ATP2B2: variants seen among roughly 807,000 people sequenced by gnomAD.
ATP2B2 encodes the protein ATPase plasma membrane Ca2+ transporting 2.
In ATP2B2, 15 loss-of-function variants were observed where a neutral mutation model predicts 120.0. The ratio of observed to expected loss-of-function variants is 0.12; its 90% CI spans 0.08 to 0.19. The LOEUF (loss-of-function observed/expected upper bound fraction) is 0.19. Among genes scored for constraint, ATP2B2 ranks in the 10% least tolerant of loss-of-function variants. The pLI is 1.00. For synonymous variants in ATP2B2, 694 were observed against 700.3 expected (o/e 0.99, Z 0.14); for missense variants, 1,045 against 1,719.8 (o/e 0.61, Z 6.94).
intron 1 of ATP2B2, among the ~76,000 whole-genome samples, chr3:10,678,166 A>C (rs1025040208): frequency 6.6e-6 from 1 of 152,184 alleles, no homozygotes. Context: ...AAATGTTTTA[A>C]ATTTATTTTG....
At chr3:10,401,248 C>T (rs938739640) in intron 4 of ATP2B2, among the ~76,000 whole-genome samples, 170 bp from the exon 5 acceptor site, 1 of 152,152 alleles carries the variant, frequency 6.6e-6, no homozygotes, top group African/African-American at 2.4e-5. Flanking sequence ...ATGTACAGCT[C>T]AACACTGGAG....
chr3:10,618,221 T>C (rs2069449524), intron 2 of ATP2B2, among the ~76,000 whole-genome samples: 1 of 152,234 alleles, frequency 6.6e-6, no homozygotes, highest in Non-Finnish European at 1.5e-5. Flanking sequence ...CAAGTGACTT[T>C]GGGCAAGTCA....
At chr3:10,453,545 T>C (rs1436580484) in intron 1 of ATP2B2, among the ~76,000 whole-genome samples, 1 of 152,200 alleles carries the variant, frequency 6.6e-6, no homozygotes, top group Admixed American at 6.5e-5. Context: ...CTGCTTCCCC[T>C]GGTGAATCTC....
chr3:10,488,683 C>T (rs935995259), intron 1 of ATP2B2, among the ~76,000 whole-genome samples: 6 of 152,098 alleles, frequency 3.9e-5, no homozygotes, highest in African/African-American at 1.4e-4. Flanking sequence ...TAAATACCTC[C>T]TTGCAAATCC....
At chr3:10,388,604 A>G (rs2061753165) in intron 5 of ATP2B2, among the ~76,000 whole-genome samples, 1 of 152,142 alleles carries the variant, frequency 6.6e-6, no homozygotes, top group Non-Finnish European at 1.5e-5. Flanking sequence ...GGGTGGAAAC[A>G]CTGCTACCTA....
At chr3:10,577,552 T>C (rs1247631544) in intron 2 of ATP2B2, among the ~76,000 whole-genome samples, 1 of 152,122 alleles carries the variant, frequency 6.6e-6, no homozygotes, top group Non-Finnish European at 1.5e-5. Context: ...AGCTCCATCA[T>C]CCTCATTAAT....
At chr3:10,390,499 T>TGC (rs2061815726) in intron 5 of ATP2B2, among the ~76,000 whole-genome samples, 1 of 39,518 alleles carries the variant, frequency 2.5e-5, no homozygotes, top group African/African-American at 1.7e-4. Flanking sequence ...TGCATGCTTT[T>TGC]GTGTGTGTGT....
intron 1 of ATP2B2, among the ~76,000 whole-genome samples, chr3:10,702,766 C>G (rs1041417726): frequency 1.3e-5 from 2 of 152,204 alleles, no homozygotes; most frequent in African/African-American, 2.4e-5. Context: ...TGTTATGTTA[C>G]AGTGTCACAG....
At chr3:10,682,602 A>T (rs1310510243) in intron 1 of ATP2B2, among the ~76,000 whole-genome samples, 1 of 152,230 alleles carries the variant, frequency 6.6e-6, no homozygotes, top group Admixed American at 6.5e-5. Context: ...CAGACCTGGG[A>T]GATGGGTGGC....
At chr3:10,587,763 G>C (rs1224076402) in intron 2 of ATP2B2, among the ~76,000 whole-genome samples, 5 of 152,052 alleles carry the variant, frequency 3.3e-5, no homozygotes, top group Non-Finnish European at 7.4e-5. Context: ...TTGTTTGTTT[G>C]TTTGTTTGTT....
At chr3:10,630,618 C>G (rs908328839) in intron 1 of ATP2B2, among the ~76,000 whole-genome samples, 2 of 152,182 alleles carry the variant, frequency 1.3e-5, no homozygotes, top group Non-Finnish European at 2.9e-5. Flanking sequence ...TTGGGTAACA[C>G]AGCTTTATGA....
chr3:10,340,009 T>C lies in ATP2B2; in HGVS notation c.3237+233A>G, dbSNP rs2060229389. On this transcript the variant is annotated intron_variant, in intron 21 of 22. Coordinates refer to ENST00000360273, the MANE Select transcript of ATP2B2 (RefSeq NM_001001331.4). The surrounding 1 kb of genome is among the most constrained non-coding windows in gnomAD (Gnocchi z 5.0). ...AAAAGCTGACGTGATTGAGAGAAAA[T>C]ATTACATAAACAACAGGAGCAGTGG... Among the ~76,000 whole-genome samples, 1 of 152,164 alleles carries C rather than the reference T, an allele frequency of 6.6e-6. No homozygotes were observed. The highest frequency in any genetic ancestry group is 2.1e-4 in the South Asian group (1 of 4,828).
intron 6 of ATP2B2, 174 bp downstream of exon 6, chr3:10,388,103 A>G: frequency 1.1e-6 from 1 of 880,382 alleles, no homozygotes; most frequent in East Asian, 2.7e-5. Context: ...CTGGAGATGG[A>G]ACAGACAGAG....
intron 12 of ATP2B2, among the ~76,000 whole-genome samples, chr3:10,365,065 G>A (rs1357096467): frequency 3.3e-5 from 5 of 152,250 alleles, no homozygotes; most frequent in Non-Finnish European, 7.3e-5. Context: ...TCATTTTAGA[G>A]TCATGCACAA....
chr3:10,418,593 C>A (rs2062867374), intron 2 of ATP2B2, among the ~76,000 whole-genome samples: 1 of 152,086 alleles, frequency 6.6e-6, no homozygotes, highest in South Asian at 2.1e-4. Context: ...GTTCTGAGGC[C>A]CCATGGGGCT....
In ATP2B2 at chr3:10,375,133, G is replaced by A. The variant is rs1575053594; in HGVS notation, c.1416+297C>T. 6.6e-6 allele frequency among the ~76,000 whole-genome samples: 1 copy of A among 152,168 alleles called. No homozygotes were observed. Among genetic ancestry groups the A allele is most frequent in the Non-Finnish European group, 1.5e-5 (1 of 68,030 alleles). On this transcript the variant is annotated intron_variant, in intron 11 of 22. Transcript: ENST00000360273. This position sits in a 1 kb window ranked among gnomAD's most constrained non-coding sequence, Gnocchi z 4.2. Reference sequence around the variant, plus strand: ...TAAGTCCAGATTTCTGGCTTCTCTTGGAAAAAGGTGACAATGTGGCAATGC... The same window carrying A: ...TAAGTCCAGATTTCTGGCTTCTCTTAGAAAAAGGTGACAATGTGGCAATGC...
chr3:10,454,309 T>C (rs1019693725), intron 1 of ATP2B2, among the ~76,000 whole-genome samples: 1 of 151,866 alleles, frequency 6.6e-6, no homozygotes, highest in African/African-American at 2.4e-5. Context: ...CAGCTCCAAG[T>C]AGGGATTTTT....
intron 1 of ATP2B2, among the ~76,000 whole-genome samples, chr3:10,646,026 GCTGT>G (rs2070313062): frequency 6.6e-6 from 1 of 152,176 alleles, no homozygotes; most frequent in Non-Finnish European, 1.5e-5. Flanking sequence ...GTTGGCAGCT[GCTGT>G]CTATCACAGG....
rs568644295 is a variant in ATP2B2 at position 10,618,300 on chromosome 3, ATGAACCTATGTAAGAGG to A, written c.-415+1600_-415+1616del. ...ATAATCATTGCGTCTTGTTCTCAGG[ATGAACCTATGTAAGAGG>A]TGAACCTTAGTACTGTGCCTGGCAC... On this transcript the variant is annotated intron_variant, in intron 2 of 21. Transcript: ENST00000646379. Among the ~76,000 whole-genome samples the A allele has an allele frequency of 1.8e-4, 28 of 152,276 alleles. No homozygotes were observed. In the East Asian group the frequency reaches 5.0e-3, roughly 27 times the overall value.
Sources: allele counts gnomAD v4.1 joint callset (sites outside exome capture counted in the v4.1 genomes callset), GRCh38; gene constraint gnomAD v4.1.1; non-coding constraint Gnocchi (gnomAD v3.1); transcripts MANE v1.5; gene names NCBI Gene and HGNC (gene_info 2026-07-23, HGNC 2026-07-21).